Variants in PAH observed in about 807,000 individuals in gnomAD.
The protein encoded by PAH is phenylalanine hydroxylase.
A neutral mutation model predicts 62.0 loss-of-function variants in PAH; 64 were observed. The observed-to-expected ratio is 1.03, with a 90% CI of 0.84 to 1.27. The LOEUF (loss-of-function observed/expected upper bound fraction) is 1.27. PAH is among the 50% of genes most tolerant of loss of function. The probability of loss-of-function intolerance (pLI) is 0.00; values close to 1 mark genes in which losing one functional copy is unlikely to be tolerated. For missense variants in PAH, 579 were observed against 542.8 expected, an observed-to-expected ratio of 1.07 and a Z score of -0.66; for synonymous variants, 195 against 196.2, an observed-to-expected ratio of 0.99 and a Z score of 0.05.
At chr12:102,878,967 G>C (rs902381754) in intron 3 of PAH, among the ~76,000 whole-genome samples, 1 of 152,160 alleles carries the variant, frequency 6.6e-6, no homozygotes, top group Admixed American at 6.5e-5. Flanking sequence ...AGCCAAAATA[G>C]ACGTGGTGGG....
At chr12:102,923,595 T>C (rs1054737717) in intron 1 of PAH, 2 of 152,322 alleles carry the variant, frequency 1.3e-5, no homozygotes, top group East Asian at 3.9e-4. Context: ...TTCTCACCAT[T>C]CTAGAGGGGG....
At chr12:102,876,709 G>A (rs140798838) in intron 4 of PAH, among the ~76,000 whole-genome samples, 92 of 152,228 alleles carry the variant, frequency 6.0e-4, no homozygotes, top group African/African-American at 2.1e-3. Flanking sequence ...CTGAGCCACC[G>A]CAGCCTGGGC....
rs1522295 is a variant in PAH at position 102,916,937 on chromosome 12, T to C, written c.60+134A>G. On this transcript the variant is annotated intron_variant, in intron 1 of 12. Transcript: ENST00000553106. ...GACATTTGTCTGTTGACTTCCTGGATATTCTCATCAGCTTCCAACGAATTC... is the reference window on the plus strand; with the variant it reads ...GACATTTGTCTGTTGACTTCCTGGACATTCTCATCAGCTTCCAACGAATTC... The C allele has an allele frequency of 0.31, 257,057 of 816,898 alleles. 43,198 individuals carry two copies. Among genetic ancestry groups the C allele is most frequent in the Admixed American group, 0.5 (27,874 of 56,286 alleles). 50.6% of individuals were successfully genotyped at this position (816,898 alleles called of 1,614,324 possible). A position where few individuals can be genotyped will look rare whatever the true frequency, so the allele number is the denominator to read the frequency against.
At chr12:102,860,112 A>C (rs1460619556) in intron 5 of PAH, among the ~76,000 whole-genome samples, 1 of 152,252 alleles carries the variant, frequency 6.6e-6, no homozygotes, top group Non-Finnish European at 1.5e-5. Flanking sequence ...CCTTAAGCTG[A>C]TAATCAACTT....
chr12:102,888,588 A>G lies in PAH; in HGVS notation c.352+6147T>C, dbSNP rs1215568737. On this transcript the variant is annotated intron_variant, in intron 3 of 12. Coordinates refer to ENST00000553106, the MANE Select transcript of PAH (RefSeq NM_000277.3). The stretch of plus-strand genomic sequence containing the variant: ...CATTTGCTCAGGATCTTCCTTTGCC[A>G]ATGAATAGAGTTGCCTGTGACTGAC... Among the ~76,000 whole-genome samples the G allele has an allele frequency of 1.5e-4, 23 of 150,394 alleles. No individual in the cohort carries two copies. The Admixed American group carries it at 1.5e-3, about 10-fold the overall frequency.
chr12:102,903,457 C>T (rs1019445184), intron 2 of PAH, among the ~76,000 whole-genome samples: 1 of 151,960 alleles, frequency 6.6e-6, no homozygotes, highest in South Asian at 2.1e-4. Context: ...CAATAGGCCA[C>T]AACCTCTGTG....
At chr12:102,879,039 C>T (rs574502647) in intron 3 of PAH, among the ~76,000 whole-genome samples, 1 of 152,190 alleles carries the variant, frequency 6.6e-6, no homozygotes, top group East Asian at 1.9e-4. Flanking sequence ...GGGGAAGATG[C>T]TGAACTTCCA....
upstream of PAH, chr12:102,917,476 A>G (rs555581153): frequency 1.5e-3 from 565 of 377,168 alleles, 1 homozygote; most frequent in Non-Finnish European, 2.3e-3. Flanking sequence ...AGCCCCGTCG[A>G]TTAGACAGGT....
intron 12 of PAH, among the ~76,000 whole-genome samples, chr12:102,840,183 T>C (rs933845719): frequency 2.0e-5 from 3 of 151,584 alleles, no homozygotes; most frequent in Admixed American, 2.0e-4. Flanking sequence ...GGAGGTGGAG[T>C]GGAATCTAGG....
intron 9 of PAH, among the ~76,000 whole-genome samples, chr12:102,844,916 C>T (rs1428267885): frequency 6.6e-6 from 1 of 152,136 alleles, no homozygotes; most frequent in Non-Finnish European, 1.5e-5. Context: ...AGCTTGCAGG[C>T]AGCATATCGT....
chr12:102,852,487 T>C (rs188433621), intron 7 of PAH, among the ~76,000 whole-genome samples: 13 of 152,276 alleles, frequency 8.5e-5, no homozygotes, highest in Admixed American at 5.9e-4. Flanking sequence ...TTAGGAAGTA[T>C]TGAGATAGCT....
intron 2 of PAH, among the ~76,000 whole-genome samples, chr12:102,907,864 C>T (rs540577882): frequency 1.4e-4 from 21 of 152,108 alleles, no homozygotes; most frequent in Non-Finnish European, 2.2e-4. Flanking sequence ...GTGATCTGCC[C>T]GCCTTGGCCT....
chr12:102,894,616 TA>T, intron 3 of PAH, 118 bp downstream of exon 3: 1 of 815,592 alleles, frequency 1.2e-6, no homozygotes, highest in South Asian at 1.7e-5. Context: ...TTCCGCAAAA[TA>T]ACAGCAATAT....
chr12:102,933,660 T>A (rs73173954), intron 1 of PAH, among the ~76,000 whole-genome samples: 22,133 of 152,196 alleles, frequency 0.15, 2,157 homozygotes, highest in African/African-American at 0.25. Flanking sequence ...AGATGATATT[T>A]CATTGCAGTT....
intron 7 of PAH, chr12:102,852,018 G>T (rs954348120): frequency 4.1e-6 from 2 of 491,844 alleles, no homozygotes; most frequent in Non-Finnish European, 7.4e-6. Context: ...TCCCCAGTGG[G>T]GTACCAGGCA....
upstream of PAH, among the ~76,000 whole-genome samples, chr12:102,922,109 A>G (rs908727639): frequency 5.9e-5 from 9 of 151,730 alleles, no homozygotes; most frequent in Admixed American, 2.6e-4. Context: ...CTTTAAGCAA[A>G]TATTTATGAT....
At chr12:102,956,677 T>C (rs929684279) in intron 1 of PAH, among the ~76,000 whole-genome samples, 3 of 152,134 alleles carry the variant, frequency 2.0e-5, no homozygotes, top group Non-Finnish European at 2.9e-5. Flanking sequence ...CACTCCCTTC[T>C]TTATGATATC....
intron 4 of PAH, among the ~76,000 whole-genome samples, chr12:102,867,862 T>C (rs7485655): frequency 3.6e-5 from 5 of 140,134 alleles, no homozygotes; most frequent in African/African-American, 1.2e-4. Flanking sequence ...TGTATATACA[T>C]ATATAGATGT....
chr12:102,921,232 T>C (rs1056692292), upstream of PAH, among the ~76,000 whole-genome samples: 4 of 152,184 alleles, frequency 2.6e-5, no homozygotes, highest in African/African-American at 7.2e-5. Flanking sequence ...TAAGCTGGTG[T>C]CTTGTTGTTT....
Sources: allele counts gnomAD v4.1 joint callset (sites outside exome capture counted in the v4.1 genomes callset), GRCh38; gene constraint gnomAD v4.1.1; transcripts MANE v1.5; gene names NCBI Gene and HGNC (gene_info 2026-07-23, HGNC 2026-07-21).